The following NDRG3 variants were observed in gnomAD, a reference collection of about 807,000 sequenced individuals.
The protein encoded by NDRG3 is protein NDRG3.
A neutral mutation model predicts 57.2 loss-of-function variants in NDRG3; 23 were observed. The ratio of observed to expected loss-of-function variants is 0.40; its 90% CI spans 0.29 to 0.57. The LOEUF (loss-of-function observed/expected upper bound fraction) is 0.57. Ranked by LOEUF, NDRG3 falls within the 20% of genes least tolerant of loss-of-function variation. The pLI, the probability that NDRG3 is intolerant of heterozygous loss-of-function variation, is 0.42. For missense variants in NDRG3, 384 were observed against 457.3 expected (o/e 0.84, Z 1.46); for synonymous variants, 132 against 162.6 (o/e 0.81, Z 1.43).
intron 1 of NDRG3, among the ~76,000 whole-genome samples, chr20:36,741,055 A>T (rs986133052): frequency 6.6e-6 from 1 of 152,208 alleles, no homozygotes; most frequent in Non-Finnish European, 1.5e-5. Flanking sequence ...CCAAAATGTT[A>T]TCAATCTTTG....
intron 2 of NDRG3, among the ~76,000 whole-genome samples, chr20:36,717,320 C>T (rs887272878): frequency 4.6e-5 from 7 of 152,204 alleles, no homozygotes; most frequent in Admixed American, 3.3e-4. Flanking sequence ...ACAAATTTCA[C>T]GGTAAAAGGT....
chr20:36,726,505 A>G (rs1459435239), intron 1 of NDRG3, among the ~76,000 whole-genome samples: 1 of 152,178 alleles, frequency 6.6e-6, no homozygotes, highest in African/African-American at 2.4e-5. Context: ...GAGCAGTTTT[A>G]TAACATATAC....
At chr20:36,733,005 G>A (rs1263262744) in intron 1 of NDRG3, among the ~76,000 whole-genome samples, 4 of 150,940 alleles carry the variant, frequency 2.7e-5, no homozygotes, top group African/African-American at 7.3e-5. Flanking sequence ...AAATTAGCCG[G>A]GTGTGATGAC....
intron 8 of NDRG3, among the ~76,000 whole-genome samples, chr20:36,672,823 C>T (rs558622908): frequency 6.7e-6 from 1 of 148,450 alleles, no homozygotes; most frequent in African/African-American, 2.5e-5. Context: ...AGCAAGATTC[C>T]GTCTCAAAAA....
Position 36,684,469 on chromosome 20 carries a change from C to T in NDRG3, c.327G>A (p.Gln109=), listed in dbSNP as rs1361426358. 3 of 1,613,576 alleles carry T rather than the reference C, an allele frequency of 1.9e-6. No homozygotes were observed. Among genetic ancestry groups the T allele is most frequent in the Non-Finnish European group, 2.5e-6 (3 of 1,179,508 alleles). Residue 109 remains glutamine (Q), a synonymous_variant, in exon 6 of 16, where the codon CAG becomes CAA. Coordinates refer to ENST00000349004, the MANE Select transcript of NDRG3 (RefSeq NM_032013.4). ...CAGCCAGCTCATCCATTGTGGGGTACTGATACCTGCAATCCAGAAGGATAT... is the reference window on the plus strand; with the variant it reads ...CAGCCAGCTCATCCATTGTGGGGTATTGATACCTGCAATCCAGAAGGATAT... The part of the protein sequence containing the change: ...EGAPSFPTGY[Q]YPTMDELAEM...
intron 3 of NDRG3, among the ~76,000 whole-genome samples, chr20:36,690,872 T>C (rs185458003): frequency 7.7e-4 from 115 of 149,176 alleles, no homozygotes; most frequent in African/African-American, 2.8e-3. Flanking sequence ...GCTCAGGAAC[T>C]GAATAAAGCA....
chr20:36,695,645 GC>G (rs1469227418), intron 3 of NDRG3, among the ~76,000 whole-genome samples: 4 of 152,180 alleles, frequency 2.6e-5, no homozygotes, highest in Admixed American at 2.6e-4. Context: ...GGAAATTCCA[GC>G]CTGGCAAATT....
intron 9 of NDRG3, among the ~76,000 whole-genome samples, chr20:36,670,740 C>T (rs1456120452): frequency 2.0e-5 from 3 of 152,174 alleles, no homozygotes; most frequent in Non-Finnish European, 4.4e-5. Context: ...TCTCGTCTCC[C>T]CATTCTAGAC....
Position 36,738,895 on chromosome 20 carries a change from G to A in NDRG3, c.-49+7150C>T, listed in dbSNP as rs186970249. Among the ~76,000 whole-genome samples the A allele has an allele frequency of 8.0e-3, 1,147 of 143,492 alleles. 7 individuals carry two copies. Among genetic ancestry groups the A allele is most frequent in the Non-Finnish European group, 0.012 (787 of 65,942 alleles). 94.1% of individuals were successfully genotyped at this position (143,492 alleles called of 152,430 possible). A position where few individuals can be genotyped will look rare whatever the true frequency, so the allele number is the denominator to read the frequency against. On this transcript the variant is annotated intron_variant, in intron 1 of 15. Coordinates refer to ENST00000349004, the MANE Select transcript of NDRG3 (RefSeq NM_032013.4). ...TCCCAGCACTTTGGGAGGCCGAGGC[G>A]GGTGGATCACCTGAGGTCAGGAGTT...
At chr20:36,696,282 G>C (rs1568650259) in intron 3 of NDRG3, among the ~76,000 whole-genome samples, 1 of 151,950 alleles carries the variant, frequency 6.6e-6, no homozygotes, top group Non-Finnish European at 1.5e-5. Flanking sequence ...TTTTAATAGA[G>C]ATGGGGTTTC....
rs532490524 is a variant in NDRG3 at position 36,712,393 on chromosome 20, CTTTTTTTTT to C, written c.58-5395_58-5387del. Among the ~76,000 whole-genome samples, 11 of 124,276 alleles carry C rather than the reference CTTTTTTTTT, an allele frequency of 8.9e-5. No homozygotes were observed. In the East Asian group the frequency reaches 1.1e-3, roughly 12 times the overall value. The allele number at this position is 124,276 out of a possible 152,430, so 81.5% of individuals were successfully genotyped here. ...TAGAGACTTGTTTCTTTTTCTTTTT[CTTTTTTTTT>C]TTTTTTTTCCTGAGATAGGGTCTCG... On this transcript the variant is annotated intron_variant, in intron 2 of 15. Coordinates refer to ENST00000349004, the MANE Select transcript of NDRG3 (RefSeq NM_032013.4).
intron 3 of NDRG3, among the ~76,000 whole-genome samples, chr20:36,704,205 T>C (rs903496161): frequency 6.6e-6 from 1 of 152,078 alleles, no homozygotes; most frequent in African/African-American, 2.4e-5. Flanking sequence ...GCCTCCTGAG[T>C]AGCTCGGATT....
chr20:36,683,515 G>A (rs1981497419), intron 6 of NDRG3, among the ~76,000 whole-genome samples: 1 of 152,002 alleles, frequency 6.6e-6, no homozygotes, highest in African/African-American at 2.4e-5. Flanking sequence ...TAAATGGGAA[G>A]CTGAGGCAGG....
At position 36,701,477 on chromosome 20, in the gene NDRG3, C is replaced by T. The variant is rs184515513; in HGVS notation, c.93+5495G>A. 4.6e-5 allele frequency among the ~76,000 whole-genome samples: 7 copies of T among 150,548 alleles called. No homozygotes were observed. In the East Asian group the frequency reaches 5.9e-4, roughly 13 times the overall value. On this transcript the variant is annotated intron_variant, in intron 3 of 15. Coordinates refer to ENST00000349004, the MANE Select transcript of NDRG3 (RefSeq NM_032013.4). ...GGAAGATTGCTTCAGCCCAGGAGTT[C>T]GAGGTTACTGTGAGCTATAATCACG...
chr20:36,722,835 T>C (rs548196843), intron 1 of NDRG3, among the ~76,000 whole-genome samples: 2 of 152,270 alleles, frequency 1.3e-5, no homozygotes, highest in South Asian at 2.1e-4. Flanking sequence ...TAATAGAATA[T>C]GGAGGAAGCA....
chr20:36,667,719 C>T (rs188760034), intron 9 of NDRG3, among the ~76,000 whole-genome samples: 11 of 152,042 alleles, frequency 7.2e-5, no homozygotes, highest in African/African-American at 2.4e-4. Flanking sequence ...TTAAGAAGTC[C>T]GTTAATCCAG....
chr20:36,710,318 G>A (rs538853535), intron 2 of NDRG3, among the ~76,000 whole-genome samples: 30 of 151,868 alleles, frequency 2.0e-4, no homozygotes, highest in Admixed American at 7.9e-4. Flanking sequence ...GTGAGATCCT[G>A]TCTCATAAAT....
Position 36,746,079 on chromosome 20 carries a change from A to AGCGGCAGCAGCGGCG in NDRG3, c.-84_-83insCGCCGCTGCTGCCGC, listed in dbSNP as rs1555809913. 7 of 244,690 alleles carry AGCGGCAGCAGCGGCG rather than the reference A, an allele frequency of 2.9e-5. No homozygotes were observed. The highest frequency in any genetic ancestry group is 1.6e-4 in the African/African-American group (7 of 42,752). The allele number at this position is 244,690 out of a possible 1,614,324, so 15.2% of individuals were successfully genotyped here. On this transcript the variant is annotated 5_prime_UTR_variant, in exon 1 of 16. Coordinates refer to ENST00000349004, the MANE Select transcript of NDRG3 (RefSeq NM_032013.4). ...GGGCACCCGCCGTCAGTGCAGCAGCAGCGGCGGCGGCGGCGGCGGCGGCGG... is the reference window on the plus strand; with the variant it reads ...GGGCACCCGCCGTCAGTGCAGCAGCAGCGGCAGCAGCGGCGGCGGCGGCGGCGGCGGCGGCGGCGG...
At chr20:36,696,819 G>C (rs1982835827) in intron 3 of NDRG3, among the ~76,000 whole-genome samples, 1 of 152,112 alleles carries the variant, frequency 6.6e-6, no homozygotes, top group African/African-American at 2.4e-5. Flanking sequence ...AACAACAATG[G>C]CATCTTCAAT....
Sources: allele counts gnomAD v4.1 joint callset (sites outside exome capture counted in the v4.1 genomes callset), GRCh38; gene constraint gnomAD v4.1.1; transcripts MANE v1.5; gene names NCBI Gene and HGNC (gene_info 2026-07-23, HGNC 2026-07-21).